The following B3GAT2 variants were observed in gnomAD, a reference collection of about 807,000 sequenced individuals.
The protein encoded by B3GAT2 is galactosylgalactosylxylosylprotein 3-beta-glucuronosyltransferase 2.
In B3GAT2, 26 loss-of-function variants were observed where a neutral mutation model predicts 27.8. The observed-to-expected ratio is 0.93, with a 90% CI of 0.68 to 1.30. B3GAT2 has a LOEUF of 1.30. Ranked by LOEUF, B3GAT2 falls within the 50% of genes most tolerant of loss-of-function variation. The pLI, the probability that B3GAT2 is intolerant of heterozygous loss-of-function variation, is 0.00. For missense variants in B3GAT2, 458 were observed against 459.0 expected, an observed-to-expected ratio of 1.00 and a Z score of 0.02; for synonymous variants, 218 against 195.1, an observed-to-expected ratio of 1.12 and a Z score of -0.98.
intron 1 of B3GAT2, among the ~76,000 whole-genome samples, chr6:70,942,228 G>C (rs187874940): frequency 3.3e-5 from 5 of 152,292 alleles, no homozygotes; most frequent in Admixed American, 6.5e-5. Context: ...ATTCCAATGG[G>C]CATGATTTAG....
rs145817134 is a variant in B3GAT2 at position 70,858,982 on chromosome 6, C to G, written c.*2681G>C. ...TTCTCTAGCTGCACAGACAAAGGCT[C>G]TTAGAGAGGTTCATGCTCCCACTCT... On this transcript the variant is annotated 3_prime_UTR_variant, in exon 4 of 4. Transcript: ENST00000230053. The G allele has an allele frequency of 5.8e-6, 1 of 173,214 alleles. No individual in the cohort carries two copies. Among genetic ancestry groups the G allele is most frequent in the Non-Finnish European group, 1.2e-5 (1 of 81,518 alleles). The allele number at this position is 173,214 out of a possible 1,614,324, so 10.7% of individuals were successfully genotyped here.
At position 70,861,423 on chromosome 6, in the gene B3GAT2, A is replaced by T; in HGVS notation, c.*240T>A. 2.0e-6 allele frequency: 1 copy of T among 492,510 alleles called. No homozygotes were observed. 30.5% of individuals were successfully genotyped at this position (492,510 alleles called of 1,614,324 possible). A position where few individuals can be genotyped will look rare whatever the true frequency, so the allele number is the denominator to read the frequency against. ...ACTGTACAAAAAAATCTTCCAATTT[A>T]GTTGTTGTAGAGAAAACATGCAGAA... On this transcript the variant is annotated 3_prime_UTR_variant, in exon 4 of 4. Transcript: ENST00000230053.
chr6:70,950,302 T>TAAA (rs1765559180), intron 1 of B3GAT2, among the ~76,000 whole-genome samples: 1 of 132,530 alleles, frequency 7.5e-6, no homozygotes, highest in Non-Finnish European at 1.7e-5. Flanking sequence ...AAAAAAAAAT[T>TAAA]TTATTTTTCA....
chr6:70,882,298 C>G (rs377591905), intron 2 of B3GAT2, among the ~76,000 whole-genome samples: 75 of 152,074 alleles, frequency 4.9e-4, no homozygotes, highest in African/African-American at 7.5e-4. Context: ...TCAGGAGATC[C>G]AGACCATACT....
intron 1 of B3GAT2, among the ~76,000 whole-genome samples, chr6:70,919,958 G>A (rs1216005698): frequency 6.6e-6 from 1 of 152,218 alleles, no homozygotes; most frequent in East Asian, 1.9e-4. Flanking sequence ...GGATGTTTAA[G>A]TCTGCAGAAG....
At chr6:70,926,357 T>C (rs111587053) in intron 1 of B3GAT2, among the ~76,000 whole-genome samples, 8 of 152,302 alleles carry the variant, frequency 5.3e-5, no homozygotes, top group African/African-American at 1.9e-4. Flanking sequence ...CTTCAGAAGA[T>C]TGGTAATAAC....
intron 2 of B3GAT2, among the ~76,000 whole-genome samples, chr6:70,869,594 A>G (rs921651071): frequency 2.0e-5 from 3 of 152,152 alleles, no homozygotes; most frequent in African/African-American, 7.2e-5. Context: ...CATTTCAGTG[A>G]TATTTTATAG....
chr6:70,956,455 C>G lies in B3GAT2; in HGVS notation c.-26G>C. 6.5e-7 allele frequency: 1 copy of G among 1,550,214 alleles called. No individual in the cohort carries two copies. The highest frequency in any genetic ancestry group is 8.7e-7 in the Non-Finnish European group (1 of 1,146,668). On this transcript the variant is annotated 5_prime_UTR_variant, in exon 1 of 4. Transcript: ENST00000230053. ...GGTGCACGCTCCCTGGCCTCTCGGA[C>G]ACCCCAGAGAGGGGCGAGCCGAGGG...
chr6:70,913,048 G>C (rs1772713338), intron 1 of B3GAT2, among the ~76,000 whole-genome samples: 1 of 151,880 alleles, frequency 6.6e-6, no homozygotes, highest in Non-Finnish European at 1.5e-5. Flanking sequence ...AGTTTATTTG[G>C]ATCTGCTCTG....
intron 2 of B3GAT2, among the ~76,000 whole-genome samples, chr6:70,874,992 T>C (rs1430649908): frequency 6.6e-6 from 1 of 151,800 alleles, no homozygotes; most frequent in African/African-American, 2.4e-5. Flanking sequence ...CTTACCAAGA[T>C]TTAGCCTTTT....
At chr6:70,953,228 T>C (rs1298285868) in intron 1 of B3GAT2, among the ~76,000 whole-genome samples, 1 of 152,198 alleles carries the variant, frequency 6.6e-6, no homozygotes, top group East Asian at 1.9e-4. Flanking sequence ...CAAGGAGCTG[T>C]AGATTTTCAA....
At chr6:70,899,892 A>C (rs963602430) in intron 1 of B3GAT2, among the ~76,000 whole-genome samples, 16 of 152,212 alleles carry the variant, frequency 1.1e-4, no homozygotes, top group African/African-American at 3.4e-4. Flanking sequence ...CATGTAACTA[A>C]AATATTCTCA....
intron 2 of B3GAT2, among the ~76,000 whole-genome samples, chr6:70,886,515 A>C (rs1317891652): frequency 6.6e-6 from 1 of 152,124 alleles, no homozygotes; most frequent in Non-Finnish European, 1.5e-5. Context: ...CCAATATGTA[A>C]ATGCAGAGCT....
chr6:70,951,033 T>G (rs1224799219), intron 1 of B3GAT2, among the ~76,000 whole-genome samples: 1 of 152,178 alleles, frequency 6.6e-6, no homozygotes, highest in Non-Finnish European at 1.5e-5. Flanking sequence ...ACAATTTTAT[T>G]TGTATTTTGG....
intron 1 of B3GAT2, among the ~76,000 whole-genome samples, chr6:70,924,450 T>C (rs753442646): frequency 6.6e-6 from 1 of 152,160 alleles, no homozygotes; most frequent in Non-Finnish European, 1.5e-5. Flanking sequence ...GCACCCTGAA[T>C]AGCCAAAAGA....
At chr6:70,892,969 C>T (rs993564836) in intron 2 of B3GAT2, among the ~76,000 whole-genome samples, 4 of 152,154 alleles carry the variant, frequency 2.6e-5, no homozygotes, top group African/African-American at 9.7e-5. Context: ...AAGCAAACAG[C>T]TGGAGTAACA....
chr6:70,949,260 G>T (rs933534517), intron 1 of B3GAT2, among the ~76,000 whole-genome samples: 1 of 151,962 alleles, frequency 6.6e-6, no homozygotes, highest in Non-Finnish European at 1.5e-5. Context: ...CCATCAGAGT[G>T]AACAGGCAAC....
At chr6:70,929,428 A>G (rs1407307900) in intron 1 of B3GAT2, among the ~76,000 whole-genome samples, 1 of 152,228 alleles carries the variant, frequency 6.6e-6, no homozygotes, top group South Asian at 2.1e-4. Flanking sequence ...TGCAGATGAC[A>G]TGACTGTATA....
chr6:70,942,899 G>C (rs1765417204), intron 1 of B3GAT2, among the ~76,000 whole-genome samples: 1 of 152,110 alleles, frequency 6.6e-6, no homozygotes, highest in African/African-American at 2.4e-5. Context: ...AATGGAGAAT[G>C]GTCAGCATTT....
Sources: allele counts gnomAD v4.1 joint callset (sites outside exome capture counted in the v4.1 genomes callset), GRCh38; gene constraint gnomAD v4.1.1; transcripts MANE v1.5; gene names NCBI Gene and HGNC (gene_info 2026-07-23, HGNC 2026-07-21).